NEK3: variants seen among roughly 807,000 people sequenced by gnomAD.
The protein encoded by NEK3 is serine/threonine-protein kinase Nek3.
Under a neutral mutation model 66.0 loss-of-function variants are expected in NEK3, and 54 were observed. The observed-to-expected ratio is 0.82, with a 90% CI of 0.66 to 1.03. The LOEUF is 1.03. Ranked by LOEUF, NEK3 falls within the 50% of genes least tolerant of loss-of-function variation. The pLI, the probability that NEK3 is intolerant of heterozygous loss-of-function variation, is 0.00. For synonymous variants in NEK3, 200 were observed against 206.2 expected (o/e 0.97, Z 0.26); for missense variants, 593 against 603.0 (o/e 0.98, Z 0.17).
chr13:52,133,546 A>G, intron 15 of NEK3, 143 bp downstream of exon 15: 2 of 1,138,548 alleles, frequency 1.8e-6, no homozygotes, highest in Non-Finnish European at 1.2e-6. Context: ...GGATATAAAT[A>G]TCCATTTATG....
At chr13:52,151,282 G>A in intron 6 of NEK3, 43 bp downstream of exon 6, 1 of 1,594,402 alleles carries the variant, frequency 6.3e-7, no homozygotes, top group Non-Finnish European at 8.6e-7. Flanking sequence ...CCTGAAAATT[G>A]ATGTTTTGAT....
Position 52,148,186 on chromosome 13 carries a change from A to C in NEK3, c.603+229T>G, listed in dbSNP as rs145497977. 1.5e-3 allele frequency: 582 copies of C among 381,172 alleles called. 2 individuals carry two copies. Among genetic ancestry groups the C allele is most frequent in the Non-Finnish European group, 2.5e-3 (531 of 214,642 alleles). 23.6% of individuals were successfully genotyped at this position (381,172 alleles called of 1,614,324 possible). A position where few individuals can be genotyped will look rare whatever the true frequency, so the allele number is the denominator to read the frequency against. Reference sequence around the variant, plus strand: ...AAAGAAAGAAAAGAGGAAAAGAGAAAGAAAGAGAGAGAAAGGTTATGTATT... The same window carrying C: ...AAAGAAAGAAAAGAGGAAAAGAGAACGAAAGAGAGAGAAAGGTTATGTATT... On this transcript the variant is annotated intron_variant, in intron 8 of 15. Coordinates refer to ENST00000610828, the MANE Select transcript of NEK3 (RefSeq NM_002498.3).
rs1956342394 is a variant in NEK3 at position 52,151,157 on chromosome 13, A to G, written c.537T>C (p.Tyr179=). ...TATGCAGCACTCACCTTTTATTGTT[A>G]TAAGGCAGGTTTTCCCAAATTTCTG... is the stretch of plus-strand genomic sequence containing the variant. The part of the protein sequence containing the change: ...VPPEIWENLP[Y]NNKSDIWSLG... The change falls in exon 7 of 16, where the codon TAT becomes TAC. Residue 179 remains tyrosine (Y), a synonymous_variant. Coordinates refer to ENST00000610828, the MANE Select transcript of NEK3 (RefSeq NM_002498.3). 1.9e-6 allele frequency: 3 copies of G among 1,607,588 alleles called. No homozygotes were observed. Among genetic ancestry groups the G allele is most frequent in the East Asian group, 2.2e-5 (1 of 44,792 alleles).
At chr13:52,152,313 C>T (rs1315017585) in intron 5 of NEK3, among the ~76,000 whole-genome samples, 1 of 151,968 alleles carries the variant, frequency 6.6e-6, no homozygotes, top group Non-Finnish European at 1.5e-5. Context: ...AATGTCCTCA[C>T]CACAAAGAAA....
intron 2 of NEK3, 118 bp from the exon 3 acceptor site, chr13:52,154,291 G>T: frequency 5.1e-6 from 3 of 582,740 alleles, no homozygotes; most frequent in South Asian, 3.0e-5. Flanking sequence ...ACACACTGTG[G>T]CTCAACTTAA....
intron 11 of NEK3, among the ~76,000 whole-genome samples, chr13:52,138,847 C>G (rs1332017090): frequency 6.6e-6 from 1 of 152,048 alleles, no homozygotes; most frequent in East Asian, 1.9e-4. Context: ...GGGAAGATCC[C>G]TTGAGCCCAG....
At chr13:52,146,164 T>C (rs959316350) in intron 8 of NEK3, among the ~76,000 whole-genome samples, 3 of 152,214 alleles carry the variant, frequency 2.0e-5, no homozygotes, top group Non-Finnish European at 4.4e-5. Context: ...ATGATAGATG[T>C]TAATTACAGT....
intron 7 of NEK3, among the ~76,000 whole-genome samples, chr13:52,148,800 A>G (rs1355538589): frequency 3.9e-5 from 6 of 152,112 alleles, no homozygotes; most frequent in Admixed American, 3.9e-4. Flanking sequence ...TTCTATTCCG[A>G]CCACCCTGGA....
At chr13:52,140,897 C>T (rs1036135738) in intron 11 of NEK3, 123 bp downstream of exon 11, 4 of 664,362 alleles carry the variant, frequency 6.0e-6, no homozygotes, top group Non-Finnish European at 9.7e-6. Context: ...CTCACTGCAA[C>T]CTCCGCCTCC....
intron 5 of NEK3, among the ~76,000 whole-genome samples, chr13:52,152,055 A>C (rs141929189): frequency 1.1e-4 from 17 of 152,268 alleles, no homozygotes; most frequent in Non-Finnish European, 2.5e-4. Context: ...CTTACAATGC[A>C]TTTCTGAGTA....
At chr13:52,156,007 C>T (rs1372383853) in intron 2 of NEK3, 68 bp downstream of exon 2, 1 of 1,100,144 alleles carries the variant, frequency 9.1e-7, no homozygotes, top group Non-Finnish European at 1.3e-6. Context: ...TGTGCCTGGC[C>T]AAAAACTTAT....
chr13:52,141,909 G>C (rs1207763503), intron 10 of NEK3, among the ~76,000 whole-genome samples: 1 of 144,626 alleles, frequency 6.9e-6, no homozygotes, highest in African/African-American at 2.6e-5. Context: ...GTGAAACCCT[G>C]TCTCTACTAA....
At chr13:52,136,353 C>A in intron 12 of NEK3, 94 bp from the exon 13 acceptor site, 1 of 1,218,472 alleles carries the variant, frequency 8.2e-7, no homozygotes, top group Admixed American at 2.4e-5. Flanking sequence ...GGAAGTGTTT[C>A]TTTTCTCTTT....
chr13:52,140,915 C>T, intron 11 of NEK3, 105 bp downstream of exon 11: 1 of 864,414 alleles, frequency 1.2e-6, no homozygotes, highest in Non-Finnish European at 1.7e-6. Flanking sequence ...TCCAGGTTCA[C>T]TTGATTCTCC....
At chr13:52,142,556 G>GT (rs1385983408) in intron 10 of NEK3, among the ~76,000 whole-genome samples, 1 of 152,178 alleles carries the variant, frequency 6.6e-6, no homozygotes, top group Admixed American at 6.5e-5. Context: ...GATTACAGGC[G>GT]TAAGCCACTG....
intron 2 of NEK3, among the ~76,000 whole-genome samples, chr13:52,154,914 G>A (rs1489140460): frequency 6.6e-6 from 1 of 150,700 alleles, no homozygotes; most frequent in African/African-American, 2.4e-5. Flanking sequence ...CTACGATTGT[G>A]CCACTACACT....
At chr13:52,135,235 A>G (rs1241971715) in intron 14 of NEK3, among the ~76,000 whole-genome samples, 1 of 152,192 alleles carries the variant, frequency 6.6e-6, no homozygotes, top group African/African-American at 2.4e-5. Context: ...CTAATTGTTC[A>G]TCCTTTTTGA....
chr13:52,141,896 A>G (rs1956252871), intron 10 of NEK3, among the ~76,000 whole-genome samples: 1 of 150,498 alleles, frequency 6.6e-6, no homozygotes, highest in Admixed American at 6.7e-5. Flanking sequence ...CCTGCTCAAC[A>G]TGGTGAAACC....
intron 2 of NEK3, among the ~76,000 whole-genome samples, chr13:52,154,434 T>C (rs1474432944): frequency 6.6e-6 from 1 of 152,118 alleles, no homozygotes; most frequent in Non-Finnish European, 1.5e-5. Flanking sequence ...TAAATAGTTT[T>C]AATATCAGCC....
Sources: allele counts gnomAD v4.1 joint callset (sites outside exome capture counted in the v4.1 genomes callset), GRCh38; gene constraint gnomAD v4.1.1; transcripts MANE v1.5; gene names NCBI Gene and HGNC (gene_info 2026-07-23, HGNC 2026-07-21).